The following CNTNAP2 variants were observed in gnomAD, a reference collection of about 807,000 sequenced individuals.
CNTNAP2 encodes contactin associated protein 2.
CNTNAP2 carries 98 observed loss-of-function variants against 155.2 expected under a neutral mutation model. That is an observed-to-expected ratio of 0.63 (90% CI 0.54 to 0.75). The LOEUF (loss-of-function observed/expected upper bound fraction) is 0.75, where lower values mean the gene tolerates loss of function less well. Among genes scored for constraint, CNTNAP2 ranks in the 30% least tolerant of loss-of-function variants. The probability of loss-of-function intolerance (pLI) is 0.00; values close to 1 mark genes in which losing one functional copy is unlikely to be tolerated. For missense variants in CNTNAP2, 1,727 were observed against 1,688.1 expected, an observed-to-expected ratio of 1.02 and a Z score of -0.40; for synonymous variants, 651 against 631.2, an observed-to-expected ratio of 1.03 and a Z score of -0.47.
rs71527797 is a variant in CNTNAP2 at position 146,721,889 on chromosome 7, A to ATTTTTTTTTTTTTTTTTTTTT, written c.98-52365_98-52364insTTTTTTTTTTTTTTTTTTTTT. ...TGTGTGTGTGTGTATATATATATAT[A>ATTTTTTTTTTTTTTTTTTTTT]TTTTTTTTTTTTTTTTTGAGATGGA... On this transcript the variant is annotated intron_variant, in intron 1 of 23. Transcript: ENST00000361727. Among the ~76,000 whole-genome samples the ATTTTTTTTTTTTTTTTTTTTT allele has an allele frequency of 1.4e-4, 10 of 69,704 alleles. 3 individuals carry two copies. The African/African-American group carries it at 1.9e-3, about 13-fold the overall frequency. 45.7% of individuals were successfully genotyped at this position (69,704 alleles called of 152,430 possible). A position where few individuals can be genotyped will look rare whatever the true frequency, so the allele number is the denominator to read the frequency against.
At chr7:148,251,421 C>T (rs889951774) in intron 20 of CNTNAP2, among the ~76,000 whole-genome samples, 1 of 152,120 alleles carries the variant, frequency 6.6e-6, no homozygotes, top group African/African-American at 2.4e-5. Context: ...GTGACAATGC[C>T]CAGAGTATTA....
In CNTNAP2 at chr7:147,425,162, C is replaced by T. The variant is rs540088004; in HGVS notation, c.1670+29382C>T. 1.0e-4 allele frequency among the ~76,000 whole-genome samples: 15 copies of T among 147,710 alleles called. 1 individual carries two copies. The South Asian group carries it at 2.8e-3, about 27-fold the overall frequency. On this transcript the variant is annotated intron_variant, in intron 10 of 23. Coordinates refer to ENST00000361727, the MANE Select transcript of CNTNAP2 (RefSeq NM_014141.6). ...TTTTTTTTTTTTTAGAAATTGTTTT[C>T]GTTTTCAGATGATGAGAATAATGCA...
intron 13 of CNTNAP2, among the ~76,000 whole-genome samples, chr7:147,656,177 G>T (rs530158892): frequency 1.3e-5 from 2 of 152,350 alleles, no homozygotes; most frequent in South Asian, 4.1e-4. Flanking sequence ...TTAAGGGAAT[G>T]TTGTGGTTGG....
At chr7:147,129,589 A>T (rs1801309121) in intron 7 of CNTNAP2, among the ~76,000 whole-genome samples, 1 of 152,170 alleles carries the variant, frequency 6.6e-6, no homozygotes, top group African/African-American at 2.4e-5. Flanking sequence ...TAGCCCAGAG[A>T]GGCTATTTGG....
chr7:146,465,943 T>C (rs1584938258), intron 1 of CNTNAP2, among the ~76,000 whole-genome samples: 1 of 152,260 alleles, frequency 6.6e-6, no homozygotes, highest in Non-Finnish European at 1.5e-5. Flanking sequence ...TTTGCTCTTT[T>C]GTTGAGTCGC....
At chr7:146,373,930 T>C (rs1338035229) in intron 1 of CNTNAP2, among the ~76,000 whole-genome samples, 3 of 152,140 alleles carry the variant, frequency 2.0e-5, no homozygotes, top group Non-Finnish European at 4.4e-5. Context: ...CCTAAACAGG[T>C]TTGAGAATGT....
intron 11 of CNTNAP2, among the ~76,000 whole-genome samples, chr7:147,517,267 C>A (rs1368818433): frequency 6.6e-6 from 1 of 152,144 alleles, no homozygotes; most frequent in Non-Finnish European, 1.5e-5. Context: ...ACAAAGAGTT[C>A]TTCTTAATGC....
At chr7:148,107,722 G>A (rs375997712) in intron 15 of CNTNAP2, among the ~76,000 whole-genome samples, 6 of 152,194 alleles carry the variant, frequency 3.9e-5, no homozygotes, top group African/African-American at 1.4e-4. Context: ...CCAGCTCACA[G>A]GAAACAATAG....
At chr7:146,979,245 C>G (rs1185999278) in intron 3 of CNTNAP2, among the ~76,000 whole-genome samples, 1 of 152,114 alleles carries the variant, frequency 6.6e-6, no homozygotes, top group Non-Finnish European at 1.5e-5. Flanking sequence ...TAGCCTGTTC[C>G]CTTTCTACTT....
intron 15 of CNTNAP2, among the ~76,000 whole-genome samples, chr7:148,115,500 G>C (rs1022118168): frequency 6.6e-6 from 1 of 152,140 alleles, no homozygotes; most frequent in African/African-American, 2.4e-5. Flanking sequence ...GCAGGCTCTC[G>C]GGTCCTTAAA....
intron 4 of CNTNAP2, among the ~76,000 whole-genome samples, chr7:147,063,969 C>T (rs1345035178): frequency 4.6e-5 from 7 of 151,946 alleles, no homozygotes; most frequent in South Asian, 2.1e-4. Flanking sequence ...CAGCAGCTTT[C>T]GAGAAAGATA....
At chr7:146,915,552 T>A (rs1032092790) in intron 3 of CNTNAP2, among the ~76,000 whole-genome samples, 2 of 151,746 alleles carry the variant, frequency 1.3e-5, no homozygotes, top group Non-Finnish European at 2.9e-5. Flanking sequence ...ATATTCTAAG[T>A]TTTTTTGTTC....
At chr7:148,135,450 A>G (rs1804916937) in intron 16 of CNTNAP2, among the ~76,000 whole-genome samples, 1 of 152,204 alleles carries the variant, frequency 6.6e-6, no homozygotes. Flanking sequence ...TCCCAATCAT[A>G]ACATATGATA....
At chr7:147,730,052 T>G (rs183124646) in intron 13 of CNTNAP2, among the ~76,000 whole-genome samples, 26 of 152,136 alleles carry the variant, frequency 1.7e-4, no homozygotes, top group African/African-American at 5.5e-4. Flanking sequence ...AAGATGGAAG[T>G]TGACTTCATT....
At chr7:148,093,911 C>T (rs911938963) in intron 15 of CNTNAP2, among the ~76,000 whole-genome samples, 21 of 152,128 alleles carry the variant, frequency 1.4e-4, no homozygotes, top group African/African-American at 3.9e-4. Flanking sequence ...CCAGTGCCAC[C>T]GTACCTGGCT....
At chr7:146,618,539 T>A (rs1289959715) in intron 1 of CNTNAP2, among the ~76,000 whole-genome samples, 4 of 152,186 alleles carry the variant, frequency 2.6e-5, no homozygotes, top group African/African-American at 9.6e-5. Context: ...TGAGTGTATT[T>A]TTCAAAATCC....
At chr7:147,541,045 T>A (rs73462989) in intron 11 of CNTNAP2, among the ~76,000 whole-genome samples, 5,144 of 152,094 alleles carry the variant, frequency 0.034, 134 homozygotes, top group African/African-American at 0.057. Flanking sequence ...ATAAAATGAG[T>A]TTTAGTGCTT....
intron 4 of CNTNAP2, among the ~76,000 whole-genome samples, chr7:147,097,894 G>C (rs997636885): frequency 2.0e-5 from 3 of 152,092 alleles, no homozygotes; most frequent in African/African-American, 7.2e-5. Context: ...TAAATTCTGA[G>C]GCTTTGTAAT....
intron 3 of CNTNAP2, among the ~76,000 whole-genome samples, chr7:146,941,048 T>C (rs935035511): frequency 2.0e-5 from 3 of 152,044 alleles, no homozygotes; most frequent in African/African-American, 7.2e-5. Flanking sequence ...TTAGGTCCTA[T>C]TTTTTTAAAC....
Sources: allele counts gnomAD v4.1 joint callset (sites outside exome capture counted in the v4.1 genomes callset), GRCh38; gene constraint gnomAD v4.1.1; transcripts MANE v1.5; gene names NCBI Gene and HGNC (gene_info 2026-07-23, HGNC 2026-07-21).